CHLSN: variants seen among roughly 807,000 people sequenced by gnomAD.
The protein encoded by CHLSN is cholesin.
the CHLSN span, among the ~76,000 whole-genome samples, chr7:1,024,333 C>T: frequency 4.9e-4 from 75 of 152,266 alleles, no homozygotes; most frequent in East Asian, 0.014. Flanking sequence ...CCCCACAGAG[C>T]CCTGCCCGTG....
At chr7:1,080,644 A>G in the CHLSN span, among the ~76,000 whole-genome samples, 1 of 152,240 alleles carries the variant, frequency 6.6e-6, no homozygotes, top group Non-Finnish European at 1.5e-5. Flanking sequence ...AGCCAAAAGG[A>G]GTATTTTACT....
chr7:1,116,499 G>A, the CHLSN span, among the ~76,000 whole-genome samples: 1 of 84,218 alleles, frequency 1.2e-5, no homozygotes, highest in Non-Finnish European at 2.1e-5. Flanking sequence ...CATCACCGAC[G>A]CCCACGCAGG....
chr7:1,091,990 C>T, the CHLSN span: 19 of 1,613,968 alleles, frequency 1.2e-5, 1 homozygote, highest in South Asian at 4.4e-5. Context: ...CATCAGCTTC[C>T]GCGAGAAGAT....
the CHLSN span, among the ~76,000 whole-genome samples, chr7:980,684 C>CTTTTTTT: frequency 1.0e-5 from 1 of 97,044 alleles, no homozygotes; most frequent in Non-Finnish European, 2.0e-5. Context: ...GTAACAGTTA[C>CTTTTTTT]TTTTTTTTTT....
At chr7:1,040,310 G>C in the CHLSN span, among the ~76,000 whole-genome samples, 2 of 151,350 alleles carry the variant, frequency 1.3e-5, no homozygotes, top group African/African-American at 4.9e-5. Context: ...GGGCAACACA[G>C]TGAGACCCCC....
At chr7:1,016,108 AGC>A in the CHLSN span, among the ~76,000 whole-genome samples, 63 of 108,942 alleles carry the variant, frequency 5.8e-4, no homozygotes, top group African/African-American at 2.2e-3. Context: ...AGCACACAGC[AGC>A]GCACAGCAGC....
the CHLSN span, chr7:1,091,882 C>T: frequency 3.1e-6 from 5 of 1,613,936 alleles, no homozygotes; most frequent in African/African-American, 1.3e-5. Flanking sequence ...GCTCTCGGAG[C>T]ACCAGCAGTA....
the CHLSN span, among the ~76,000 whole-genome samples, chr7:1,106,052 C>T: frequency 3.0e-4 from 45 of 152,164 alleles, no homozygotes; most frequent in African/African-American, 1.1e-3. Context: ...TGTATGATTT[C>T]GATGCTGTTT....
the CHLSN span, among the ~76,000 whole-genome samples, chr7:990,486 G>T: frequency 6.6e-6 from 1 of 151,964 alleles, no homozygotes; most frequent in African/African-American, 2.4e-5. Context: ...GAGAAGAGAG[G>T]ATAAGCCGTG....
At chr7:1,058,217 G>A in the CHLSN span, 1 of 754,746 alleles carries the variant, frequency 1.3e-6, no homozygotes, top group Admixed American at 1.8e-5. Context: ...CACACAGGCT[G>A]CTGGTGGCCA....
the CHLSN span, among the ~76,000 whole-genome samples, chr7:1,006,343 TCACAGCACAGGGAAAGAGCGCACGACAGC>T: frequency 6.9e-5 from 6 of 86,838 alleles, no homozygotes; most frequent in African/African-American, 2.7e-4. Context: ...CACACGACGG[TCACAGCACAGGGAAAGAGCGCACGACAGC>T]CACAGCGCAG....
chr7:1,028,479 G>A, the CHLSN span: 6 of 984,966 alleles, frequency 6.1e-6, no homozygotes, highest in Non-Finnish European at 7.2e-6. Context: ...GAGCCGGGGC[G>A]GGGCCTCGGC....
At chr7:985,429 TC>T in the CHLSN span, 1 of 1,271,556 alleles carries the variant, frequency 7.9e-7, no homozygotes, top group Non-Finnish European at 1.1e-6. Context: ...TTCTCGGCCC[TC>T]CCACCTTGCA....
the CHLSN span, among the ~76,000 whole-genome samples, chr7:1,067,901 C>T: frequency 0.011 from 1,635 of 146,572 alleles, 48 homozygotes; most frequent in African/African-American, 0.04. Flanking sequence ...GGCTGGAGTG[C>T]ACCCCAGAGG....
the CHLSN span, chr7:1,057,514 C>T: frequency 3.9e-6 from 3 of 766,486 alleles, no homozygotes; most frequent in Admixed American, 1.7e-5. Flanking sequence ...TCGCCGGCCG[C>T]CATGTGGAGC....
At chr7:1,022,352 T>A in the CHLSN span, among the ~76,000 whole-genome samples, 1 of 152,182 alleles carries the variant, frequency 6.6e-6, no homozygotes, top group Non-Finnish European at 1.5e-5. Context: ...CCCACAGCCC[T>A]CTCATGGGGC....
At chr7:1,028,180 C>CGCGGG in the CHLSN span, 1 of 954,020 alleles carries the variant, frequency 1.0e-6, no homozygotes, top group African/African-American at 1.8e-5. Flanking sequence ...CACCTGTCGC[C>CGCGGG]GCGGGGCGGG....
the CHLSN span, among the ~76,000 whole-genome samples, chr7:1,131,152 C>T: frequency 7.0e-6 from 1 of 142,702 alleles, no homozygotes; most frequent in Admixed American, 7.2e-5. Context: ...GACTGTACCA[C>T]TGCACTCCAG....
chr7:1,017,035 C>T, the CHLSN span, among the ~76,000 whole-genome samples: 1 of 152,220 alleles, frequency 6.6e-6, no homozygotes, highest in African/African-American at 2.4e-5. Context: ...CCCACCCACG[C>T]ACCCTGGTCC....
Sources: allele counts gnomAD v4.1 joint callset (sites outside exome capture counted in the v4.1 genomes callset), GRCh38; gene constraint gnomAD v4.1.1; transcripts MANE v1.5; gene names NCBI Gene and HGNC (gene_info 2026-07-23, HGNC 2026-07-21).